Variants in ZFAND6 observed in about 807,000 individuals in gnomAD.
The protein encoded by ZFAND6 is AN1-type zinc finger protein 6.
A neutral mutation model predicts 24.5 loss-of-function variants in ZFAND6; 12 were observed. The ratio of observed to expected loss-of-function variants is 0.49; its 90% confidence interval spans 0.31 to 0.79. The LOEUF (loss-of-function observed/expected upper bound fraction) is 0.79, where lower values mean the gene tolerates loss of function less well. Among genes scored for constraint, ZFAND6 ranks in the 30% least tolerant of loss-of-function variants. The pLI is 0.04. For synonymous variants in ZFAND6, 92 were observed against 81.5 expected, an observed-to-expected ratio of 1.13 and a Z score of -0.69; for missense variants, 207 against 245.9, an observed-to-expected ratio of 0.84 and a Z score of 1.06.
chr15:80,091,843 T>C lies in ZFAND6; in HGVS notation c.-180-6573T>C, dbSNP rs563031135. Among the ~76,000 whole-genome samples the C allele has an allele frequency of 2.5e-4, 38 of 152,278 alleles. 1 individual carries two copies. In the South Asian group the frequency reaches 7.7e-3, roughly 31 times the overall value. On this transcript the variant is annotated intron_variant, in intron 1 of 6. Transcript: ENST00000261749. ...TTTGTAGAGGCAGAATCTTGCCGTA[T>C]TGCCCAGGCTGGTCTTGAACTCCTG...
chr15:80,095,962 G>T (rs897780917), intron 1 of ZFAND6, among the ~76,000 whole-genome samples: 1 of 152,128 alleles, frequency 6.6e-6, no homozygotes, highest in Admixed American at 6.5e-5. Flanking sequence ...TCCAAATCTG[G>T]ATACTAATTC....
chr15:80,119,151 G>C (rs1239751751), intron 2 of ZFAND6, among the ~76,000 whole-genome samples: 2 of 152,072 alleles, frequency 1.3e-5, no homozygotes, highest in Non-Finnish European at 2.9e-5. Flanking sequence ...TGGGAGAAAT[G>C]GCACATGGGG....
chr15:80,106,255 A>G (rs985307010), intron 2 of ZFAND6, among the ~76,000 whole-genome samples: 2 of 152,226 alleles, frequency 1.3e-5, no homozygotes, highest in Non-Finnish European at 2.9e-5. Context: ...TTATTCATCC[A>G]GCATGTATTT....
intron 1 of ZFAND6, among the ~76,000 whole-genome samples, chr15:80,070,059 C>A (rs1350329838): frequency 1.3e-5 from 2 of 152,156 alleles, no homozygotes; most frequent in Non-Finnish European, 2.9e-5. Context: ...GGATTAATTT[C>A]TTTTGTAGGA....
chr15:80,066,331 A>C (rs1596175580), intron 1 of ZFAND6, among the ~76,000 whole-genome samples: 1 of 151,980 alleles, frequency 6.6e-6, no homozygotes, highest in African/African-American at 2.4e-5. Context: ...AAAAAAAAAA[A>C]AAACGGAGTC....
intron 5 of ZFAND6, among the ~76,000 whole-genome samples, chr15:80,129,041 C>T (rs998435828): frequency 6.6e-6 from 1 of 152,096 alleles, no homozygotes; most frequent in Non-Finnish European, 1.5e-5. Flanking sequence ...TTACAGGTTT[C>T]AAAACCAATA....
At chr15:80,077,697 CTTTT>C (rs11441423) in intron 1 of ZFAND6, among the ~76,000 whole-genome samples, 3 of 115,308 alleles carry the variant, frequency 2.6e-5, no homozygotes, top group East Asian at 4.6e-4. Context: ...AGTTTTCTTT[CTTTT>C]TTTTTTTTTT....
chr15:80,083,182 G>A (rs1358652668), intron 1 of ZFAND6, among the ~76,000 whole-genome samples: 7 of 152,072 alleles, frequency 4.6e-5, no homozygotes, highest in Non-Finnish European at 8.8e-5. Flanking sequence ...TAGTAGAGAC[G>A]GGGTTTCACC....
At position 80,091,646 on chromosome 15, in the gene ZFAND6, A is replaced by AC. The variant is rs1491371828; in HGVS notation, c.-180-6769dup. Among the ~76,000 whole-genome samples the AC allele has an allele frequency of 1.2e-4, 18 of 151,122 alleles. No individual in the cohort carries two copies. The East Asian group carries it at 2.9e-3, about 24-fold the overall frequency. ...TAATATATTTACTATTAAAAAAAAAACTTTTTTTAAGAGACAGGATCTTGC... is the reference window on the plus strand; with the variant it reads ...TAATATATTTACTATTAAAAAAAAAACCTTTTTTTAAGAGACAGGATCTTGC... On this transcript the variant is annotated intron_variant, in intron 1 of 6. Transcript: ENST00000261749.
intron 1 of ZFAND6, among the ~76,000 whole-genome samples, chr15:80,086,906 C>T (rs2038040688): frequency 6.6e-6 from 1 of 152,212 alleles, no homozygotes; most frequent in South Asian, 2.1e-4. Flanking sequence ...TAAGTGGAAT[C>T]ATACAATATC....
intron 3 of ZFAND6, 121 bp from the exon 4 acceptor site, chr15:80,121,591 T>C (rs2040148544): frequency 1.5e-6 from 1 of 647,664 alleles, no homozygotes; most frequent in Non-Finnish European, 2.4e-6. Context: ...ACCAACATAC[T>C]ACATATTAAA....
At chr15:80,094,273 C>T (rs994108768) in intron 1 of ZFAND6, among the ~76,000 whole-genome samples, 1 of 152,216 alleles carries the variant, frequency 6.6e-6, no homozygotes, top group Non-Finnish European at 1.5e-5. Flanking sequence ...GGCTGCACAG[C>T]AGGGGAGCGC....
intron 2 of ZFAND6, among the ~76,000 whole-genome samples, chr15:80,106,419 T>G (rs1170421777): frequency 1.3e-5 from 2 of 152,218 alleles, no homozygotes; most frequent in Non-Finnish European, 2.9e-5. Flanking sequence ...GTGGCTTCTT[T>G]TTTACTGTAA....
At chr15:80,079,067 T>A (rs1324288863) in intron 1 of ZFAND6, among the ~76,000 whole-genome samples, 41 of 129,846 alleles carry the variant, frequency 3.2e-4, no homozygotes, top group Non-Finnish European at 3.2e-5. Flanking sequence ...GTCCCCAGAG[T>A]GTGTCTTCTT....
chr15:80,090,739 A>G (rs939974), intron 1 of ZFAND6, among the ~76,000 whole-genome samples: 84,968 of 152,004 alleles, frequency 0.56, 25,023 homozygotes, highest in Non-Finnish European at 0.65. Flanking sequence ...TCCTATTTAG[A>G]ACTTTGAAAC....
chr15:80,103,296 A>C (rs1596269285), intron 2 of ZFAND6, among the ~76,000 whole-genome samples: 1 of 152,244 alleles, frequency 6.6e-6, no homozygotes, highest in Non-Finnish European at 1.5e-5. Context: ...GGCCTAGTAC[A>C]TAATAGTGAG....
upstream of ZFAND6, chr15:80,059,457 C>A (rs2036204273): frequency 6.6e-6 from 1 of 152,258 alleles, no homozygotes; most frequent in South Asian, 2.1e-4. Flanking sequence ...AGGAGCATCT[C>A]CTTTCGCTCC....
At chr15:80,065,015 T>A (rs2036542344) in intron 1 of ZFAND6, among the ~76,000 whole-genome samples, 1 of 151,644 alleles carries the variant, frequency 6.6e-6, no homozygotes, top group Non-Finnish European at 1.5e-5. Flanking sequence ...TTTTTTTTTT[T>A]TTTTTTTAAC....
At chr15:80,131,024 G>A (rs2040576817) in intron 5 of ZFAND6, 156 bp from the exon 6 acceptor site, 1 of 499,972 alleles carries the variant, frequency 2.0e-6, no homozygotes, top group Non-Finnish European at 3.6e-6. Flanking sequence ...ACAAAAAGGG[G>A]TCATATTTTT....
Sources: gnomAD v4.1 joint callset for allele counts (sites outside exome capture counted in the v4.1 genomes callset) on GRCh38, gnomAD v4.1.1 for gene constraint, MANE v1.5 for transcripts, NCBI Gene and HGNC (gene_info 2026-07-23, HGNC 2026-07-21) for gene names.